The following FZD5 variants were observed in gnomAD, a reference collection of about 807,000 sequenced individuals.
FZD5 encodes frizzled-5.
In FZD5, 12 loss-of-function variants were observed where a neutral mutation model predicts 40.8. The ratio of observed to expected loss-of-function variants is 0.29; its 90% CI spans 0.19 to 0.48. FZD5 has a LOEUF of 0.48. Among genes scored for constraint, FZD5 ranks in the 20% least tolerant of loss-of-function variants. The pLI, the probability that FZD5 is intolerant of heterozygous loss-of-function variation, is 0.99. For missense variants in FZD5, 622 were observed against 832.8 expected (o/e 0.75, Z 3.12); for synonymous variants, 380 against 383.7 (o/e 0.99, Z 0.11).
chr2:207,767,396 G>T lies in FZD5; in HGVS notation c.1344C>A (p.Ile448=), dbSNP rs889022836. The T allele has an allele frequency of 1.2e-6, 2 of 1,612,672 alleles. No homozygotes were observed. The highest frequency in any genetic ancestry group is 2.7e-5 in the African/African-American group (2 of 74,924). ...AGAGCAGCGTGAAGATGCCGATGCG[G>T]ATCATGAGCTTCTCCAGCTTGTCCG... ...TKTDKLEKLM[I]RIGIFTLLYT... Residue 448 remains isoleucine, a synonymous_variant, in exon 2 of 2, where the codon ATC becomes ATA. Coordinates refer to ENST00000295417, the MANE Select transcript of FZD5 (RefSeq NM_003468.4).
chr2:207,767,222 C>A lies in FZD5; in HGVS notation c.1518G>T (p.Lys506Asn). The change falls in exon 2 of 2, where the codon AAG becomes AAT. Residue 506 changes from lysine (K) to asparagine (N), a missense_variant. Transcript: ENST00000295417. ...TGCCCACCACCAGGCACATGAAGTACTTGAGCATGAGCACCCAGTACTCGG... is the reference window on the plus strand; with the variant it reads ...TGCCCACCACCAGGCACATGAAGTAATTGAGCATGAGCACCCAGTACTCGG... ...AKPEYWVLML[K>N]YFMCLVVGIT... is the part of the protein sequence containing the mutation. 1 of 1,609,688 alleles carries A rather than the reference C, an allele frequency of 6.2e-7. No individual in the cohort carries two copies.
Position 207,768,218 on chromosome 2 carries a change from C to T in FZD5, c.522G>A (p.Gly174=). Residue 174 remains glycine (G), a synonymous_variant, in exon 2 of 2, where the codon GGG becomes GGA. Coordinates refer to ENST00000295417, the MANE Select transcript of FZD5 (RefSeq NM_003468.4). ...GGCATTCGCCCCCCGAGGCCGGCGC[C>T]CCTGGCGGGCCTGGAAGGGTGGGCT... ...PAKPTLPGPP[G]APASGGECPA... is the part of the protein sequence containing the mutation. 6.4e-7 allele frequency: 1 copy of T among 1,571,448 alleles called. No homozygotes were observed. Among genetic ancestry groups the T allele is most frequent in the Non-Finnish European group, 8.6e-7 (1 of 1,164,480 alleles).
chr2:207,766,956 C>A lies in FZD5; in HGVS notation c.*26G>T, dbSNP rs778520376. On this transcript the variant is annotated 3_prime_UTR_variant, in exon 2 of 2. Coordinates refer to ENST00000295417, the MANE Select transcript of FZD5 (RefSeq NM_003468.4). Reference sequence around the variant, plus strand: ...AAACGCCCCCCTCCCCTCAGCTCTCCGGCCGAGTCCCTCGGCGGCAGCCTC... The same window carrying A: ...AAACGCCCCCCTCCCCTCAGCTCTCAGGCCGAGTCCCTCGGCGGCAGCCTC... The A allele has an allele frequency of 4.2e-6, 6 of 1,437,878 alleles. No homozygotes were observed. The highest frequency in any genetic ancestry group is 5.5e-6 in the Non-Finnish European group (6 of 1,096,938). The allele number at this position is 1,437,878 out of a possible 1,614,324, so 89.1% of individuals were successfully genotyped here.
chr2:207,768,160 C>T lies in FZD5; in HGVS notation c.580G>A (p.Glu194Lys). 6.2e-7 allele frequency: 1 copy of T among 1,608,394 alleles called. No individual in the cohort carries two copies. Among genetic ancestry groups the T allele is most frequent in the Non-Finnish European group, 8.5e-7 (1 of 1,179,522 alleles). ...TCCTTCAGAATGGGCACGAAGGGCT[C>T]GCGACACTTGCACACGAACGGGCCC... Reference protein sequence around the residue: ...AGGPFVCKCREPFVPILKESH... With the variant: ...AGGPFVCKCRKPFVPILKESH... Residue 194 changes from glutamate to lysine, a missense_variant, in exon 2 of 2, where the codon GAG (glutamate) becomes AAG (lysine). Around this residue, in one of 4 missense-constraint regions of FZD5, gnomAD observed 116 missense variants for 117.7 expected, o/e 0.99. Transcript: ENST00000295417.
At position 207,766,642 on chromosome 2, in the gene FZD5, T is replaced by C. The variant is rs943977568; in HGVS notation, c.*340A>G. On this transcript the variant is annotated 3_prime_UTR_variant, in exon 2 of 2. Coordinates refer to ENST00000295417, the MANE Select transcript of FZD5 (RefSeq NM_003468.4). ...GAAACCTGAACCAAGTGGAACTTCA[T>C]TACAACGCCAACCTTAGGATTGTAA... 9.2e-5 allele frequency: 19 copies of C among 207,136 alleles called. No individual in the cohort carries two copies. The highest frequency in any genetic ancestry group is 4.1e-4 in the African/African-American group (18 of 43,512). The allele number at this position is 207,136 out of a possible 1,614,324, so 12.8% of individuals were successfully genotyped here. A position where few individuals can be genotyped will look rare whatever the true frequency, so the allele number is the denominator to read the frequency against.
Position 207,765,908 on chromosome 2 carries a change from AG to A in FZD5, c.*1073del, listed in dbSNP as rs2091976979. ...TTAACATGATAAAGGGGGAGGGGGG[AG>A]GGGGGAGGGGGTGGAGCAAATAAGT... On this transcript the variant is annotated 3_prime_UTR_variant, in exon 2 of 2. Transcript: ENST00000295417. The A allele has an allele frequency of 6.8e-6, 1 of 146,596 alleles. No homozygotes were observed. The highest frequency in any genetic ancestry group is 3.4e-3 in the Middle Eastern group (1 of 290). 9.1% of individuals were successfully genotyped at this position (146,596 alleles called of 1,614,324 possible).
rs776627944 is a variant in FZD5 at position 207,767,321 on chromosome 2, G to A, written c.1419C>T (p.His473=). 24 of 1,611,794 alleles carry A rather than the reference G, an allele frequency of 1.5e-5. No homozygotes were observed. The highest frequency in any genetic ancestry group is 2.2e-5 in the South Asian group (2 of 91,058). ...IVVACYLYEQ[H]YRESWEAALT... ...GCGCCGCCTCCCAGCTCTCGCGGTA[G>A]TGCTGCTCGTACAGGTAGCAGGCCA... Residue 473 remains histidine, a synonymous_variant, in exon 2 of 2, where the codon CAC becomes CAT. Coordinates refer to ENST00000295417, the MANE Select transcript of FZD5 (RefSeq NM_003468.4).
In FZD5 at chr2:207,765,241, C is replaced by G. The variant is rs1360764295; in HGVS notation, c.*1741G>C. 6.6e-6 allele frequency: 1 copy of G among 152,180 alleles called. No homozygotes were observed. The highest frequency in any genetic ancestry group is 2.4e-5 in the African/African-American group (1 of 41,434). 9.4% of individuals were successfully genotyped at this position (152,180 alleles called of 1,614,324 possible). On this transcript the variant is annotated 3_prime_UTR_variant, in exon 2 of 2. Coordinates refer to ENST00000295417, the MANE Select transcript of FZD5 (RefSeq NM_003468.4). ...TATAAGTGAATTACAAATGCCTACA[C>G]TCAAGTTGTTTTCCTAGACAGGATT...
In FZD5 at chr2:207,768,053, G is replaced by A. The variant is rs763488749; in HGVS notation, c.687C>T (p.Ala229=). The change falls in exon 2 of 2, where the codon GCC becomes GCT. Residue 229 remains alanine (A), a synonymous_variant. Transcript: ENST00000295417. ...AGAAGGTGGCGAACGTGCGCTCGTC[G>A]GCACTGAAGGACGGCTGGTAGCAGG... ...AVPCYQPSFS[A]DERTFATFWI... 6.2e-7 allele frequency: 1 copy of A among 1,612,618 alleles called. No homozygotes were observed. The highest frequency in any genetic ancestry group is 1.1e-5 in the South Asian group (1 of 90,794).
Position 207,768,822 on chromosome 2 carries a change from G to A in FZD5, c.-83C>T. On this transcript the variant is annotated 5_prime_UTR_variant, in exon 2 of 2. Coordinates refer to ENST00000295417, the MANE Select transcript of FZD5 (RefSeq NM_003468.4). ...ATCCGGGCCGGGGCTTCTCCCTCCG[G>A]CGTCTCGTGTGTGGCGCCGGGGCTG... 2 of 1,185,050 alleles carry A rather than the reference G, an allele frequency of 1.7e-6. No homozygotes were observed. Among genetic ancestry groups the A allele is most frequent in the South Asian group, 3.2e-5 (2 of 61,774 alleles). The allele number at this position is 1,185,050 out of a possible 1,614,324, so 73.4% of individuals were successfully genotyped here.
At position 207,765,810 on chromosome 2, in the gene FZD5, T is replaced by C. The variant is rs2091976012; in HGVS notation, c.*1172A>G. The stretch of plus-strand genomic sequence containing the variant: ...GCCTCCCTCCCCCAGTTCAAGCACT[T>C]CATTCAAGGGTGGGTGTGGTTTCTA... On this transcript the variant is annotated 3_prime_UTR_variant, in exon 2 of 2. Transcript: ENST00000295417. 6.6e-6 allele frequency: 1 copy of C among 151,860 alleles called. No individual in the cohort carries two copies. The highest frequency in any genetic ancestry group is 1.5e-5 in the Non-Finnish European group (1 of 67,904). 9.4% of individuals were successfully genotyped at this position (151,860 alleles called of 1,614,324 possible). A position where few individuals can be genotyped will look rare whatever the true frequency, so the allele number is the denominator to read the frequency against.
rs2091990802 is a variant in FZD5, at chr2:207,768,200, GC to G, written c.539del (p.Gly180AlafsTer21). 6.3e-7 allele frequency: 1 copy of G among 1,586,066 alleles called. No homozygotes were observed. The highest frequency in any genetic ancestry group is 1.7e-5 in the Admixed American group (1 of 57,432). On this transcript the variant is annotated frameshift_variant, in exon 2 of 2. Coordinates refer to ENST00000295417, the MANE Select transcript of FZD5 (RefSeq NM_003468.4). LOFTEE classifies it high-confidence loss of function. Reference protein sequence around the residue: ...PGPPGAPASGGECPAGGPFVC... With the variant: ...PGPPGAPASGXECPAGGPFVC... The stretch of plus-strand genomic sequence containing the variant: ...CGAACGGGCCCCCAGCGGGGCATTC[GC>G]CCCCCGAGGCCGGCGCCCCTGGCGG...
Position 207,767,630 on chromosome 2 carries a change from G to A in FZD5, c.1110C>T (p.Val370=). ...TCAGCGCCAGTGCCGTGATGGACTTGACGCTGGGGATGAGCCACGCAGCCA... is the reference window on the plus strand; with the variant it reads ...TCAGCGCCAGTGCCGTGATGGACTTAACGCTGGGGATGAGCCACGCAGCCA... The part of the protein sequence containing the change: ...FHLAAWLIPS[V]KSITALALSS... The change falls in exon 2 of 2, where the codon GTC becomes GTT. Residue 370 remains valine, a synonymous_variant. Coordinates refer to ENST00000295417, the MANE Select transcript of FZD5 (RefSeq NM_003468.4). 1 of 1,613,072 alleles carries A rather than the reference G, an allele frequency of 6.2e-7. No individual in the cohort carries two copies.
At position 207,769,438 on chromosome 2, in the gene FZD5, TG is replaced by T. The variant is rs1308326429; in HGVS notation, c.-430del. The T allele has an allele frequency of 6.6e-6, 1 of 152,472 alleles. No individual in the cohort carries two copies. The highest frequency in any genetic ancestry group is 1.5e-5 in the Non-Finnish European group (1 of 68,344). The allele number at this position is 152,472 out of a possible 1,614,324, so 9.4% of individuals were successfully genotyped here. A position where few individuals can be genotyped will look rare whatever the true frequency, so the allele number is the denominator to read the frequency against. On this transcript the variant is annotated 5_prime_UTR_variant, in exon 1 of 2. It removes the in-frame stop codon of an upstream open reading frame in the 5' UTR. Transcript: ENST00000295417. ...GGCAGCAGGTGGGGGCGACTCAGAG[TG>T]GGGGGCGCCCCCAGAACAGGGGCGG...
Position 207,764,547 on chromosome 2 carries a change from C to T in FZD5, c.*2435G>A, listed in dbSNP as rs891159753. The stretch of plus-strand genomic sequence containing the variant: ...TGAAAGTTGGTCTGGAATTAGACCC[C>T]AAAGATCCTGACTAATATTGCCCCC... On this transcript the variant is annotated 3_prime_UTR_variant, in exon 2 of 2. Transcript: ENST00000295417. 4 of 152,164 alleles carry T rather than the reference C, an allele frequency of 2.6e-5. No individual in the cohort carries two copies. Among genetic ancestry groups the T allele is most frequent in the Admixed American group, 2.6e-4 (4 of 15,268 alleles). The allele number at this position is 152,164 out of a possible 1,614,324, so 9.4% of individuals were successfully genotyped here.
chr2:207,764,853 A>G lies in FZD5; in HGVS notation c.*2129T>C, dbSNP rs188216788. 6.6e-6 allele frequency: 1 copy of G among 152,340 alleles called. No homozygotes were observed. The highest frequency in any genetic ancestry group is 1.9e-4 in the East Asian group (1 of 5,184). 9.4% of individuals were successfully genotyped at this position (152,340 alleles called of 1,614,324 possible). ...TGAGGGAAAAGGTCAAGGTGATCAG[A>G]AAAGGTTCTCTCATTTGAAAAACAG... On this transcript the variant is annotated 3_prime_UTR_variant, in exon 2 of 2. Coordinates refer to ENST00000295417, the MANE Select transcript of FZD5 (RefSeq NM_003468.4).
In FZD5 at chr2:207,769,445, C is replaced by T. The variant is rs41265963; in HGVS notation, c.-436G>A. ...GGTGGGGGCGACTCAGAGTGGGGGGCGCCCCCAGAACAGGGGCGGCGCAGG... is the reference window on the plus strand; with the variant it reads ...GGTGGGGGCGACTCAGAGTGGGGGGTGCCCCCAGAACAGGGGCGGCGCAGG... On this transcript the variant is annotated 5_prime_UTR_variant, in exon 1 of 2. Transcript: ENST00000295417. 52,581 of 152,600 alleles carry T rather than the reference C, an allele frequency of 0.34. 10,217 individuals carry two copies. Among genetic ancestry groups the T allele is most frequent in the Middle Eastern group, 0.5 (148 of 298 alleles). The allele number at this position is 152,600 out of a possible 1,614,324, so 9.5% of individuals were successfully genotyped here.
rs897478417 is a variant in FZD5 at position 207,769,787 on chromosome 2, G to A, written c.-778C>T. 1.4e-4 allele frequency among the ~76,000 whole-genome samples: 22 copies of A among 151,938 alleles called. No individual in the cohort carries two copies. Among genetic ancestry groups the A allele is most frequent in the African/African-American group, 4.3e-4 (18 of 41,394 alleles). ...CTGGGGGCGGTGGCGACGCTCTCGG[G>A]ACGTGCCCTGCTCGGCTCCTCCCCC... On this transcript the variant is annotated 5_prime_UTR_variant, in exon 1 of 2. Coordinates refer to ENST00000295417, the MANE Select transcript of FZD5 (RefSeq NM_003468.4).
chr2:207,768,199 C>T lies in FZD5; in HGVS notation c.541G>A (p.Glu181Lys), dbSNP rs749113234. 9.4e-6 allele frequency: 15 copies of T among 1,590,752 alleles called. No homozygotes were observed. The highest frequency in any genetic ancestry group is 1.2e-5 in the Non-Finnish European group (14 of 1,173,726). The change falls in exon 2 of 2, where the codon GAA becomes AAA. Residue 181 changes from glutamate (E) to lysine (K), a missense_variant. By Grantham distance (56) the Glu-to-Lys change is moderately conservative. Coordinates refer to ENST00000295417, the MANE Select transcript of FZD5 (RefSeq NM_003468.4). ...ACGAACGGGCCCCCAGCGGGGCATT[C>T]GCCCCCCGAGGCCGGCGCCCCTGGC... ...GPPGAPASGG[E>K]CPAGGPFVCK...
Sources: allele counts gnomAD v4.1 joint callset (sites outside exome capture counted in the v4.1 genomes callset), GRCh38; gene constraint gnomAD v4.1.1; regional missense constraint gnomAD v4.1.1; transcripts MANE v1.5; gene names NCBI Gene and HGNC (gene_info 2026-07-23, HGNC 2026-07-21).